Variants in GABBR2 observed in about 807,000 individuals in gnomAD.
GABBR2 encodes the protein gamma-aminobutyric acid type B receptor subunit 2.
In GABBR2, 23 loss-of-function variants were observed where a neutral mutation model predicts 105.6. The ratio of observed to expected loss-of-function variants is 0.22; its 90% confidence interval spans 0.16 to 0.31. The LOEUF is 0.31. GABBR2 is among the 10% of genes least tolerant of loss of function. The pLI is 1.00. For missense variants in GABBR2, 734 were observed against 1,245.5 expected, an observed-to-expected ratio of 0.59 and a Z score of 6.18; for synonymous variants, 478 against 499.7, an observed-to-expected ratio of 0.96 and a Z score of 0.58.
At chr9:98,509,675 G>A (rs1827596018) in intron 3 of GABBR2, among the ~76,000 whole-genome samples, 1 of 152,118 alleles carries the variant, frequency 6.6e-6, no homozygotes, top group African/African-American at 2.4e-5. Context: ...TATCAGGGAT[G>A]GAAGATGAAA....
At chr9:98,336,421 T>A (rs187470909) in intron 13 of GABBR2, among the ~76,000 whole-genome samples, 2 of 152,200 alleles carry the variant, frequency 1.3e-5, no homozygotes, top group Non-Finnish European at 2.9e-5. Context: ...AAAAAAGATA[T>A]CTGGCTGGGC....
chr9:98,585,456 A>G (rs1054314189), intron 1 of GABBR2, among the ~76,000 whole-genome samples: 6 of 135,988 alleles, frequency 4.4e-5, no homozygotes, highest in East Asian at 2.4e-4. Flanking sequence ...ACACATGGAC[A>G]CAGGAAGGGG....
At position 98,670,882 on chromosome 9, in the gene GABBR2, T is replaced by C. The variant is rs377662015; in HGVS notation, c.321+37535A>G. 2.8e-4 allele frequency among the ~76,000 whole-genome samples: 42 copies of C among 152,266 alleles called. 2 individuals are homozygous for C. In the South Asian group the frequency reaches 7.9e-3, roughly 29 times the overall value. ...GGATACAGAGTTCAGTTTTACAATATGGAAAGAGTTATGGACATGGGTGGT... is the reference window on the plus strand; with the variant it reads ...GGATACAGAGTTCAGTTTTACAATACGGAAAGAGTTATGGACATGGGTGGT... On this transcript the variant is annotated intron_variant, in intron 1 of 18. Coordinates refer to ENST00000259455, the MANE Select transcript of GABBR2 (RefSeq NM_005458.8).
At chr9:98,368,261 T>C in intron 12 of GABBR2, among the ~76,000 whole-genome samples, 1 of 147,266 alleles carries the variant, frequency 6.8e-6, no homozygotes, top group African/African-American at 2.5e-5. Flanking sequence ...TCTGACATCA[T>C]TACCCTTAAA....
At chr9:98,700,087 G>A (rs1830811053) in intron 1 of GABBR2, among the ~76,000 whole-genome samples, 1 of 152,156 alleles carries the variant, frequency 6.6e-6, no homozygotes, top group South Asian at 2.1e-4. Context: ...AACCCCTCCT[G>A]TGGCTGGGCT....
intron 1 of GABBR2, among the ~76,000 whole-genome samples, chr9:98,704,952 CAAAA>C (rs10586853): frequency 1.4e-5 from 2 of 139,686 alleles, no homozygotes; most frequent in Non-Finnish European, 1.5e-5. Context: ...CCAACTCTTT[CAAAA>C]AAAAAAAAAA....
chr9:98,409,734 C>T (rs1334485293), intron 7 of GABBR2, among the ~76,000 whole-genome samples: 1 of 152,168 alleles, frequency 6.6e-6, no homozygotes, highest in Non-Finnish European at 1.5e-5. Context: ...TCAGGACACC[C>T]GTGAAGGACC....
rs1233393026 is a variant in GABBR2, at chr9:98,425,245, AATGT to A, written c.1237-19108_1237-19105del. 6.6e-5 allele frequency among the ~76,000 whole-genome samples: 10 copies of A among 152,172 alleles called. No homozygotes were observed. In the South Asian group the frequency reaches 1.0e-3, roughly 16 times the overall value. On this transcript the variant is annotated intron_variant, in intron 7 of 18. Coordinates refer to ENST00000259455, the MANE Select transcript of GABBR2 (RefSeq NM_005458.8). ...GGGTGAATGAATGAATGAATGAATG[AATGT>A]AACAGAGCCGAGCCTTCCCTGAAGC...
At chr9:98,402,481 C>T (rs189809111) in intron 8 of GABBR2, among the ~76,000 whole-genome samples, 1 of 152,310 alleles carries the variant, frequency 6.6e-6, no homozygotes, top group East Asian at 1.9e-4. Context: ...TAATACCTGC[C>T]TTACCTACGG....
intron 1 of GABBR2, among the ~76,000 whole-genome samples, chr9:98,642,333 C>T (rs1284655623): frequency 1.3e-5 from 2 of 152,212 alleles, no homozygotes; most frequent in Non-Finnish European, 2.9e-5. Context: ...CCTGCCCTAG[C>T]ACTAACACAG....
chr9:98,365,574 T>A (rs771982281), intron 12 of GABBR2, among the ~76,000 whole-genome samples: 6 of 152,256 alleles, frequency 3.9e-5, no homozygotes, highest in African/African-American at 1.4e-4. Context: ...TTAGGCTAAG[T>A]AGTTATGAAT....
At chr9:98,350,462 T>C (rs943901410) in intron 13 of GABBR2, among the ~76,000 whole-genome samples, 3 of 152,224 alleles carry the variant, frequency 2.0e-5, no homozygotes, top group Admixed American at 1.3e-4. Context: ...TTTTAAGAAA[T>C]ATTCAAATTC....
chr9:98,315,651 C>A (rs553171548), intron 13 of GABBR2, among the ~76,000 whole-genome samples: 1 of 152,244 alleles, frequency 6.6e-6, no homozygotes, highest in Non-Finnish European at 1.5e-5. Flanking sequence ...GGCAGGTGGG[C>A]TACCCACCCC....
chr9:98,513,018 A>G (rs1827682333), intron 3 of GABBR2, among the ~76,000 whole-genome samples: 1 of 152,064 alleles, frequency 6.6e-6, no homozygotes, highest in Admixed American at 6.5e-5. Flanking sequence ...CTACAAGGCT[A>G]CAGTAACCAA....
At chr9:98,335,109 A>G (rs1403785503) in intron 13 of GABBR2, among the ~76,000 whole-genome samples, 1 of 152,222 alleles carries the variant, frequency 6.6e-6, no homozygotes, top group Non-Finnish European at 1.5e-5. Flanking sequence ...CTGCAGAAAT[A>G]GAAACCTCAT....
chr9:98,426,820 G>A (rs4743224), intron 7 of GABBR2, among the ~76,000 whole-genome samples: 19,713 of 152,092 alleles, frequency 0.13, 1,742 homozygotes, highest in East Asian at 0.37. Context: ...TGGCTAACAT[G>A]GTGAAACTCA....
chr9:98,639,794 C>T (rs982624734), intron 1 of GABBR2, among the ~76,000 whole-genome samples: 7 of 152,032 alleles, frequency 4.6e-5, no homozygotes, highest in African/African-American at 1.2e-4. Context: ...CCAAGGGTCC[C>T]GGTGGTCTCA....
intron 7 of GABBR2, among the ~76,000 whole-genome samples, chr9:98,428,570 C>A (rs1188326146): frequency 6.6e-6 from 1 of 152,098 alleles, no homozygotes; most frequent in Admixed American, 6.5e-5. Context: ...CCACTTGGCC[C>A]CATGCTCAGC....
intron 1 of GABBR2, among the ~76,000 whole-genome samples, chr9:98,700,500 C>T (rs780019927): frequency 2.0e-5 from 3 of 152,174 alleles, no homozygotes; most frequent in Non-Finnish European, 2.9e-5. Context: ...GCTCTTCCTA[C>T]CCGACTCTCC....
Sources: allele counts gnomAD v4.1 joint callset (sites outside exome capture counted in the v4.1 genomes callset), GRCh38; gene constraint gnomAD v4.1.1; transcripts MANE v1.5; gene names NCBI Gene and HGNC (gene_info 2026-07-23, HGNC 2026-07-21).